CMTM4: variants seen among roughly 807,000 people sequenced by gnomAD.
The protein encoded by CMTM4 is CKLF like MARVEL transmembrane domain containing 4.
CMTM4 carries 8 observed loss-of-function variants against 19.0 expected under a neutral mutation model. That is an observed-to-expected ratio of 0.42 (90% CI 0.25 to 0.76). The LOEUF (loss-of-function observed/expected upper bound fraction) is 0.76. Ranked by LOEUF, CMTM4 falls within the 30% of genes least tolerant of loss-of-function variation. The pLI is 0.27. For synonymous variants in CMTM4, 106 were observed against 121.1 expected, an observed-to-expected ratio of 0.88 and a Z score of 0.82; for missense variants, 228 against 290.2, an observed-to-expected ratio of 0.79 and a Z score of 1.56.
rs1567408480 is a variant in CMTM4 at position 66,633,118 on chromosome 16, A to AAATAT, written c.363+3286_363+3287insATATT. On this transcript the variant is annotated intron_variant, in intron 2 of 3. Coordinates refer to ENST00000394106, the MANE Select transcript of CMTM4 (RefSeq NM_181521.3). The stretch of plus-strand genomic sequence containing the variant: ...ATATATATAAATATATATATATATA[A>AAATAT]ATATATATATATAAATATATATATA... 5.4e-4 allele frequency among the ~76,000 whole-genome samples: 41 copies of AAATAT among 76,230 alleles called. 1 individual carries two copies. In the East Asian group the frequency reaches 6.4e-3, roughly 12 times the overall value. The allele number at this position is 76,230 out of a possible 152,430, so 50.0% of individuals were successfully genotyped here. A position where few individuals can be genotyped will look rare whatever the true frequency, so the allele number is the denominator to read the frequency against.
the CMTM4 span, chr16:66,604,789 C>T: frequency 8.0e-7 from 1 of 1,246,118 alleles, no homozygotes; most frequent in South Asian, 3.4e-5. Context: ...AGCCCCGGCC[C>T]TACCGCCGCC....
chr16:66,651,694 A>G, intron 1 of CMTM4, among the ~76,000 whole-genome samples: 1 of 152,240 alleles, frequency 6.6e-6, no homozygotes, highest in East Asian at 1.9e-4. Context: ...GCCAGTGCTG[A>G]GACTCTGACA....
chr16:66,635,035 T>C (rs776646471), intron 2 of CMTM4, among the ~76,000 whole-genome samples: 2 of 152,198 alleles, frequency 1.3e-5, no homozygotes, highest in South Asian at 2.1e-4. Flanking sequence ...ACTAGGCAAG[T>C]AGGATAGCAA....
Position 66,619,161 on chromosome 16 carries a change from G to A in CMTM4, c.*2897C>T. ...ATGACTGTAATCCCTCTTTAAGGCA[G>A]GGAAAACATATTTCCCTCCCATGCC... On this transcript the variant is annotated 3_prime_UTR_variant, in exon 4 of 4. Coordinates refer to ENST00000394106, the MANE Select transcript of CMTM4 (RefSeq NM_181521.3). 1.0e-6 allele frequency: 1 copy of A among 985,438 alleles called. No homozygotes were observed. The highest frequency in any genetic ancestry group is 1.2e-6 in the Non-Finnish European group (1 of 829,938). The allele number at this position is 985,438 out of a possible 1,614,324, so 61.0% of individuals were successfully genotyped here.
At chr16:66,680,532 C>T (rs1253324583) in intron 1 of CMTM4, among the ~76,000 whole-genome samples, 162 of 150,446 alleles carry the variant, frequency 1.1e-3, no homozygotes, top group Non-Finnish European at 7.1e-4. Flanking sequence ...CCCAGCGCTT[C>T]GGGAGGCCAA....
intron 1 of CMTM4, among the ~76,000 whole-genome samples, chr16:66,669,073 G>A (rs569833489): frequency 1.0e-3 from 157 of 152,266 alleles, no homozygotes; most frequent in African/African-American, 3.6e-3. Context: ...ACCAAAAGTT[G>A]CAAATAACTC....
downstream of CMTM4, among the ~76,000 whole-genome samples, chr16:66,610,242 T>C (rs1216158253): frequency 2.0e-5 from 3 of 152,078 alleles, no homozygotes; most frequent in African/African-American, 7.2e-5. This position sits in a 1 kb window ranked among gnomAD's most constrained non-coding sequence, Gnocchi z 4.6. Flanking sequence ...TGGCTGAGCC[T>C]CAGGCCAGGC....
rs2016150876 is a variant in CMTM4, at chr16:66,644,368, GGTAGACTT to G, written c.187-7795_187-7788del. On this transcript the variant is annotated intron_variant, in intron 1 of 3. Transcript: ENST00000394106. ...TGCACTTGTGTACACCGAAATGTCA[GGTAGACTT>G]TGTATACTTTTTCAGAATTACTGAT... is the stretch of plus-strand genomic sequence containing the variant. Among the ~76,000 whole-genome samples the G allele has an allele frequency of 2.6e-5, 4 of 152,270 alleles. No individual in the cohort carries two copies. In the South Asian group the frequency reaches 8.3e-4, roughly 32 times the overall value.
In CMTM4 at chr16:66,619,179, C is replaced by T. The variant is rs779027208; in HGVS notation, c.*2879G>A. 226 of 985,304 alleles carry T rather than the reference C, an allele frequency of 2.3e-4. No individual in the cohort carries two copies. Among genetic ancestry groups the T allele is most frequent in the Non-Finnish European group, 2.7e-4 (223 of 829,924 alleles). The allele number at this position is 985,304 out of a possible 1,614,324, so 61.0% of individuals were successfully genotyped here. On this transcript the variant is annotated 3_prime_UTR_variant, in exon 4 of 4. Transcript: ENST00000394106. ...TAAGGCAGGGAAAACATATTTCCCTCCCATGCCTTCAGCAGTGTGAAAGAA... is the reference window on the plus strand; with the variant it reads ...TAAGGCAGGGAAAACATATTTCCCTTCCATGCCTTCAGCAGTGTGAAAGAA...
chr16:66,652,907 A>G (rs560071465), intron 1 of CMTM4, among the ~76,000 whole-genome samples: 9 of 152,232 alleles, frequency 5.9e-5, no homozygotes, highest in Non-Finnish European at 1.0e-4. Flanking sequence ...TCAAAAAGTC[A>G]AATTTTCAGA....
At chr16:66,661,531 T>C (rs951359337) in intron 1 of CMTM4, among the ~76,000 whole-genome samples, 2 of 152,232 alleles carry the variant, frequency 1.3e-5, no homozygotes, top group African/African-American at 2.4e-5. Flanking sequence ...GTCTGTTCGC[T>C]AATATGAAAA....
In CMTM4 at chr16:66,621,173, C is replaced by T. The variant is rs193218713; in HGVS notation, c.*885G>A. 7 of 985,652 alleles carry T rather than the reference C, an allele frequency of 7.1e-6. No individual in the cohort carries two copies. Among genetic ancestry groups the T allele is most frequent in the Admixed American group, 6.1e-5 (1 of 16,278 alleles). The allele number at this position is 985,652 out of a possible 1,614,324, so 61.1% of individuals were successfully genotyped here. A position where few individuals can be genotyped will look rare whatever the true frequency, so the allele number is the denominator to read the frequency against. On this transcript the variant is annotated 3_prime_UTR_variant, in exon 4 of 4. Transcript: ENST00000394106. ...GTGTGTGTGCATGTGTGCGCGCACG[C>T]GTGTGCATGCTGTTTTTTAACACAA...
At position 66,634,372 on chromosome 16, in the gene CMTM4, G is replaced by A. The variant is rs993564207; in HGVS notation, c.363+2033C>T. On this transcript the variant is annotated intron_variant, in intron 2 of 3. Coordinates refer to ENST00000394106, the MANE Select transcript of CMTM4 (RefSeq NM_181521.3). ...GGAGAATCGCTTGAACCCGGGAGGC[G>A]GAGGTTTCATTGAGCCGAGATCACG... is the stretch of plus-strand genomic sequence containing the variant. Among the ~76,000 whole-genome samples the A allele has an allele frequency of 4.6e-5, 7 of 151,198 alleles. No individual in the cohort carries two copies. In the East Asian group the frequency reaches 7.8e-4, roughly 17 times the overall value.
chr16:66,662,025 C>G (rs1171974307), intron 1 of CMTM4, among the ~76,000 whole-genome samples: 1 of 152,136 alleles, frequency 6.6e-6, no homozygotes, highest in Non-Finnish European at 1.5e-5. Context: ...TGATTCATCT[C>G]TACACAAGCC....
intron 1 of CMTM4, among the ~76,000 whole-genome samples, chr16:66,645,638 C>A (rs748030034): frequency 6.6e-6 from 1 of 151,574 alleles, no homozygotes; most frequent in African/African-American, 2.4e-5. Context: ...GGACTATGTA[C>A]CCTATGAATA....
In CMTM4 at chr16:66,620,238, A is replaced by G; in HGVS notation, c.*1820T>C. On this transcript the variant is annotated 3_prime_UTR_variant, in exon 4 of 4. Coordinates refer to ENST00000394106, the MANE Select transcript of CMTM4 (RefSeq NM_181521.3). ...TTTTAAAAGGAACTCTCAAAGAGAG[A>G]TAAGCCCAATTTTGACTTTGCAAAC... 2 of 985,448 alleles carry G rather than the reference A, an allele frequency of 2.0e-6. No homozygotes were observed. Among genetic ancestry groups the G allele is most frequent in the East Asian group, 2.3e-4 (2 of 8,812 alleles). 61.0% of individuals were successfully genotyped at this position (985,448 alleles called of 1,614,324 possible). A position where few individuals can be genotyped will look rare whatever the true frequency, so the allele number is the denominator to read the frequency against.
At chr16:66,689,115 C>T (rs1027736944) in intron 1 of CMTM4, among the ~76,000 whole-genome samples, 3 of 152,030 alleles carry the variant, frequency 2.0e-5, no homozygotes, top group Non-Finnish European at 4.4e-5. Context: ...CTGATCTGTA[C>T]GTCTCCTATT....
intron 2 of CMTM4, among the ~76,000 whole-genome samples, chr16:66,628,073 T>C (rs2015778907): frequency 6.6e-6 from 1 of 152,226 alleles, no homozygotes; most frequent in African/African-American, 2.4e-5. Context: ...TTTATGTTTC[T>C]CTCTGCCCAA....
At chr16:66,688,554 T>G (rs142569046) in intron 1 of CMTM4, among the ~76,000 whole-genome samples, 1 of 149,020 alleles carries the variant, frequency 6.7e-6, no homozygotes, top group African/African-American at 2.5e-5. Flanking sequence ...ACACACACAT[T>G]CTACCCTAAA....
Sources: gnomAD v4.1 joint callset for allele counts (sites outside exome capture counted in the v4.1 genomes callset) on GRCh38, gnomAD v4.1.1 for gene constraint, Gnocchi (gnomAD v3.1) non-coding constraint, MANE v1.5 for transcripts, NCBI Gene and HGNC (gene_info 2026-07-23, HGNC 2026-07-21) for gene names.